Variants in SEL1L3 observed in about 807,000 individuals in gnomAD.
The protein encoded by SEL1L3 is protein sel-1 homolog 3.
A neutral mutation model predicts 142.8 loss-of-function variants in SEL1L3; 76 were observed. That is an observed-to-expected ratio of 0.53 (90% CI 0.44 to 0.64). The LOEUF (loss-of-function observed/expected upper bound fraction) is 0.64, where lower values mean the gene tolerates loss of function less well. Ranked by LOEUF, SEL1L3 falls within the 30% of genes least tolerant of loss-of-function variation. The probability of loss-of-function intolerance (pLI) is 0.00; values close to 1 mark genes in which losing one functional copy is unlikely to be tolerated. For synonymous variants in SEL1L3, 504 were observed against 519.6 expected (o/e 0.97, Z 0.41); for missense variants, 1,262 against 1,381.7 (o/e 0.91, Z 1.37).
the SEL1L3 span, among the ~76,000 whole-genome samples, chr4:25,725,626 T>A: frequency 6.6e-6 from 1 of 152,142 alleles, no homozygotes; most frequent in African/African-American, 2.4e-5. Flanking sequence ...GGTTGGCTAT[T>A]TTTATGGTTA....
Position 25,834,894 on chromosome 4 carries a change from C to G in SEL1L3, c.860+303G>C, listed in dbSNP as rs114468001. On this transcript the variant is annotated intron_variant, in intron 3 of 23. Coordinates refer to ENST00000399878, the MANE Select transcript of SEL1L3 (RefSeq NM_015187.5). ...GGCAAAGCCAAGGCTGCAATGTGTG[C>G]TGGCTTTGGCTGGCTGCACCTGAGA... Among the ~76,000 whole-genome samples, 296 of 152,308 alleles carry G rather than the reference C, an allele frequency of 1.9e-3. 1 individual carries two copies. Among genetic ancestry groups the G allele is most frequent in the African/African-American group, 7.0e-3 (291 of 41,566 alleles).
At chr4:25,860,999 C>A (rs915168439) in intron 1 of SEL1L3, among the ~76,000 whole-genome samples, 5 of 152,312 alleles carry the variant, frequency 3.3e-5, no homozygotes, top group Non-Finnish European at 7.4e-5. Flanking sequence ...TTAGGCTTTG[C>A]TCTCCTGACT....
At chr4:25,820,029 C>A in intron 7 of SEL1L3, 89 bp from the exon 8 acceptor site, 2 of 1,280,486 alleles carry the variant, frequency 1.6e-6, no homozygotes, top group South Asian at 2.6e-5. Flanking sequence ...TGACTTTGTT[C>A]TCCCATTGAC....
intron 20 of SEL1L3, among the ~76,000 whole-genome samples, chr4:25,764,984 G>C (rs564701719): frequency 1.3e-5 from 2 of 152,200 alleles, no homozygotes; most frequent in Non-Finnish European, 2.9e-5. Context: ...ATTCACAAAT[G>C]GATGTCACCA....
intron 23 of SEL1L3, among the ~76,000 whole-genome samples, chr4:25,755,653 G>A (rs1717907564): frequency 6.6e-6 from 1 of 152,172 alleles, no homozygotes; most frequent in East Asian, 1.9e-4. Flanking sequence ...CAGGACAGGA[G>A]AGACACGGAG....
chr4:25,812,637 G>A (rs1325965770), intron 9 of SEL1L3, among the ~76,000 whole-genome samples: 2 of 150,346 alleles, frequency 1.3e-5, no homozygotes, highest in African/African-American at 4.9e-5. Context: ...GCTTGAACCC[G>A]GGAGGCAGAG....
downstream of SEL1L3, among the ~76,000 whole-genome samples, chr4:25,745,600 G>C (rs1042942660): frequency 6.6e-6 from 1 of 152,194 alleles, no homozygotes; most frequent in African/African-American, 2.4e-5. Context: ...GAGGTGTTTG[G>C]CTGTCACACT....
the SEL1L3 span, among the ~76,000 whole-genome samples, chr4:25,732,336 T>C: frequency 6.6e-6 from 1 of 152,192 alleles, no homozygotes; most frequent in Non-Finnish European, 1.5e-5. Context: ...TATTGACAAG[T>C]TATTCACTAT....
chr4:25,827,209 A>C (rs180783625), intron 6 of SEL1L3, among the ~76,000 whole-genome samples: 1 of 152,184 alleles, frequency 6.6e-6, no homozygotes, highest in East Asian at 1.9e-4. Context: ...CCCTCCTCCC[A>C]CCAAATTCAT....
intron 23 of SEL1L3, among the ~76,000 whole-genome samples, chr4:25,753,494 CCT>C (rs745383751): frequency 2.0e-5 from 3 of 152,230 alleles, no homozygotes; most frequent in Non-Finnish European, 4.4e-5. Context: ...TGCACCCATC[CCT>C]GTCTTCCCCC....
At chr4:25,855,710 G>A (rs1356503919) in intron 1 of SEL1L3, among the ~76,000 whole-genome samples, 2 of 152,158 alleles carry the variant, frequency 1.3e-5, no homozygotes, top group Admixed American at 6.5e-5. Context: ...GCAGTGAGCC[G>A]AGATTGTGCC....
At chr4:25,748,918 T>G (rs1717415489) in intron 23 of SEL1L3, among the ~76,000 whole-genome samples, 1 of 152,118 alleles carries the variant, frequency 6.6e-6, no homozygotes, top group African/African-American at 2.4e-5. Context: ...AGGTCGTGGA[T>G]TCCAACACTC....
intron 19 of SEL1L3, 74 bp from the exon 20 acceptor site, chr4:25,765,509 T>A: frequency 1.1e-6 from 1 of 951,246 alleles, no homozygotes; most frequent in South Asian, 1.3e-5. Context: ...ATTGGCGCAT[T>A]CACATGAATG....
chr4:25,785,989 G>A (rs1711797092), intron 13 of SEL1L3, among the ~76,000 whole-genome samples: 2 of 152,254 alleles, frequency 1.3e-5, no homozygotes, highest in Admixed American at 6.5e-5. Flanking sequence ...GCACAAAGAC[G>A]ATGTACTCTA....
intron 13 of SEL1L3, among the ~76,000 whole-genome samples, chr4:25,787,674 C>T (rs185702972): frequency 4.5e-4 from 68 of 152,280 alleles, no homozygotes; most frequent in African/African-American, 1.5e-3. Flanking sequence ...TTCATTGGTC[C>T]TATTATCTCA....
chr4:25,861,501 C>A (rs1288592717), intron 1 of SEL1L3, among the ~76,000 whole-genome samples: 2 of 152,138 alleles, frequency 1.3e-5, no homozygotes, highest in South Asian at 2.1e-4. Flanking sequence ...GGCTGAGTGG[C>A]AAATTTCTTC....
chr4:25,849,195 A>C (rs1047108789), intron 1 of SEL1L3, among the ~76,000 whole-genome samples: 1 of 152,234 alleles, frequency 6.6e-6, no homozygotes, highest in African/African-American at 2.4e-5. Flanking sequence ...TATACACCCC[A>C]AAAATTTAAA....
At chr4:25,738,580 GAC>G in the SEL1L3 span, among the ~76,000 whole-genome samples, 1 of 152,150 alleles carries the variant, frequency 6.6e-6, no homozygotes, top group Non-Finnish European at 1.5e-5. Flanking sequence ...TGCCTTCAAA[GAC>G]ACTCAGGTTG....
intron 20 of SEL1L3, among the ~76,000 whole-genome samples, chr4:25,764,995 A>G (rs1718614635): frequency 6.6e-6 from 1 of 152,076 alleles, no homozygotes; most frequent in African/African-American, 2.4e-5. Context: ...GATGTCACCA[A>G]GAGCTGAGTT....
Sources: allele counts gnomAD v4.1 joint callset (sites outside exome capture counted in the v4.1 genomes callset), GRCh38; gene constraint gnomAD v4.1.1; transcripts MANE v1.5; gene names NCBI Gene and HGNC (gene_info 2026-07-23, HGNC 2026-07-21).